The following STK3 variants were observed in gnomAD, a reference collection of about 807,000 sequenced individuals.
STK3 encodes serine/threonine-protein kinase 3.
In STK3, 41 loss-of-function variants were observed where a neutral mutation model predicts 58.0. The ratio of observed to expected loss-of-function variants is 0.71; its 90% CI spans 0.55 to 0.92. The LOEUF is 0.92. Among genes scored for constraint, STK3 ranks in the 40% least tolerant of loss-of-function variants. The probability of loss-of-function intolerance (pLI) is 0.00; values close to 1 mark genes in which losing one functional copy is unlikely to be tolerated. For missense variants in STK3, 479 were observed against 602.7 expected (o/e 0.79, Z 2.15); for synonymous variants, 170 against 191.0 (o/e 0.89, Z 0.91).
intron 1 of STK3, among the ~76,000 whole-genome samples, chr8:98,916,703 A>G (rs1017483379): frequency 1.3e-5 from 2 of 152,220 alleles, no homozygotes; most frequent in Non-Finnish European, 2.9e-5. Flanking sequence ...TACTGAGATC[A>G]CTGTTCTAGG....
chr8:98,784,339 T>A (rs1423853387), intron 1 of STK3, among the ~76,000 whole-genome samples: 1 of 152,216 alleles, frequency 6.6e-6, no homozygotes, highest in Admixed American at 6.5e-5. Context: ...GATTGTGCTC[T>A]CCTCCACTGC....
At chr8:98,368,209 A>G (rs1314143007), downstream of STK3, among the ~76,000 whole-genome samples, 1 of 152,248 alleles carries the variant, frequency 6.6e-6, no homozygotes, top group African/African-American at 2.4e-5. Flanking sequence ...GAAATCTGAA[A>G]GAGCTATAGC....
chr8:98,548,106 C>T lies in STK3; in HGVS notation c.1004G>A (p.Gly335Asp), dbSNP rs762767274. 7 of 1,607,084 alleles carry T rather than the reference C, an allele frequency of 4.4e-6. No individual in the cohort carries two copies. The South Asian group carries it at 5.6e-5, about 13-fold the overall frequency. ...TMVKTSVESV[G>D]TMRATSTMSE... ...CATCGTGCTTGTGGCCCGCATGGTG[C>T]CCACACTCTCCACACTAGTCTTCAC... The change falls in exon 9 of 11, where the codon GGC (glycine) becomes GAC (aspartate). Residue 335 changes from glycine (G) to aspartate (D), a missense_variant. This residue lies in a region of STK3 where 309 missense variants were observed against 355.7 expected (regional missense o/e 0.87). Transcript: ENST00000419617.
intron 1 of STK3, among the ~76,000 whole-genome samples, chr8:98,798,036 G>C (rs1587650346): frequency 6.6e-6 from 1 of 152,300 alleles, no homozygotes; most frequent in Non-Finnish European, 1.5e-5. Context: ...ATTGACAATT[G>C]TGCCTTAGAA....
chr8:98,715,022 C>G lies in STK3; in HGVS notation c.352-7711G>C, dbSNP rs530750838. Among the ~76,000 whole-genome samples, 254 of 152,156 alleles carry G rather than the reference C, an allele frequency of 1.7e-3. 1 individual carries two copies. The highest frequency in any genetic ancestry group is 2.2e-3 in the Non-Finnish European group (148 of 67,980). ...TCTTTGACAAACCTGACAAAAACAA[C>G]AAATGGGGAAAGGATTCCCTATTTA... On this transcript the variant is annotated intron_variant, in intron 4 of 10. Coordinates refer to ENST00000419617, the MANE Select transcript of STK3 (RefSeq NM_006281.4).
intron 1 of STK3, among the ~76,000 whole-genome samples, chr8:98,900,011 A>G (rs891203798): frequency 6.6e-6 from 1 of 152,212 alleles, no homozygotes; most frequent in Non-Finnish European, 1.5e-5. Context: ...AAATGTATAC[A>G]TGAAATACTG....
chr8:98,697,397 T>A (rs2130999325), intron 6 of STK3, among the ~76,000 whole-genome samples: 1 of 152,348 alleles, frequency 6.6e-6, no homozygotes, highest in Non-Finnish European at 1.5e-5. Flanking sequence ...TGCCTTCTGC[T>A]AGCTTTTGAA....
At chr8:98,828,464 A>C (rs1587718708), upstream of STK3, among the ~76,000 whole-genome samples, 4 of 150,686 alleles carry the variant, frequency 2.7e-5, no homozygotes, top group Admixed American at 1.3e-4. Flanking sequence ...AAAAAAAAAA[A>C]ACAAAAGAAA....
At chr8:98,795,227 C>CAAATCAAT (rs900620685) in intron 1 of STK3, among the ~76,000 whole-genome samples, 1 of 145,212 alleles carries the variant, frequency 6.9e-6, no homozygotes, top group African/African-American at 2.6e-5. Flanking sequence ...TCAACATATG[C>CAAATCAAT]AAATCAATAA....
chr8:98,671,821 T>C (rs1198520759), intron 6 of STK3, among the ~76,000 whole-genome samples: 1 of 152,184 alleles, frequency 6.6e-6, no homozygotes, highest in Non-Finnish European at 1.5e-5. Flanking sequence ...TTACCTTGAA[T>C]TGTAATAATC....
At chr8:98,490,375 T>A (rs940979309) in intron 10 of STK3, among the ~76,000 whole-genome samples, 2 of 152,228 alleles carry the variant, frequency 1.3e-5, no homozygotes, top group Non-Finnish European at 2.9e-5. Context: ...ATATTTAAAC[T>A]TCATTTTCTT....
chr8:98,713,302 G>A (rs886553915), intron 4 of STK3, among the ~76,000 whole-genome samples: 20 of 152,132 alleles, frequency 1.3e-4, no homozygotes, highest in Non-Finnish European at 2.6e-4. Flanking sequence ...AACTGAAGGA[G>A]ATAGAGACAC....
At position 98,843,926 on chromosome 8, in the gene STK3, C is replaced by T. The variant is rs906307083; in HGVS notation, c.110+39721G>A. 5.9e-5 allele frequency among the ~76,000 whole-genome samples: 9 copies of T among 152,230 alleles called. No homozygotes were observed. The East Asian group carries it at 9.7e-4, about 16-fold the overall frequency. On this transcript the variant is annotated intron_variant, in intron 3 of 12. Transcript: ENST00000523601. ...CAGCTACTCCAGCGCTTTGGGAGGC[C>T]GAGTGGGAGTATCGCTTGAGCCCAG...
chr8:98,680,535 C>A (rs555334048), intron 6 of STK3, among the ~76,000 whole-genome samples: 19 of 152,318 alleles, frequency 1.2e-4, no homozygotes, highest in African/African-American at 4.3e-4. Flanking sequence ...CTTACTACAG[C>A]TGCCAGGTAA....
At chr8:98,894,094 T>A (rs1421528758) in intron 1 of STK3, among the ~76,000 whole-genome samples, 2 of 152,184 alleles carry the variant, frequency 1.3e-5, no homozygotes, top group Non-Finnish European at 2.9e-5. Context: ...CAAAAATATC[T>A]TCTTCCTTCT....
chr8:98,885,729 C>T (rs1362531885), intron 1 of STK3, among the ~76,000 whole-genome samples: 4 of 152,170 alleles, frequency 2.6e-5, no homozygotes, highest in African/African-American at 7.2e-5. Flanking sequence ...CGTGAGCCAC[C>T]GCAGCAGGCT....
chr8:98,575,531 C>T (rs745745145), intron 8 of STK3, among the ~76,000 whole-genome samples: 5 of 151,638 alleles, frequency 3.3e-5, no homozygotes, highest in Admixed American at 6.6e-5. Flanking sequence ...TCCTTCTTTC[C>T]CACACCCTGC....
At chr8:98,617,563 T>G in intron 6 of STK3, among the ~76,000 whole-genome samples, 1 of 151,420 alleles carries the variant, frequency 6.6e-6, no homozygotes, top group Non-Finnish European at 1.5e-5. Context: ...GATAGACCGC[T>G]AGCAAGACTA....
At chr8:98,592,116 C>T (rs1815366062) in intron 7 of STK3, among the ~76,000 whole-genome samples, 1 of 152,166 alleles carries the variant, frequency 6.6e-6, no homozygotes, top group African/African-American at 2.4e-5. Context: ...TTATCAAAGA[C>T]ATTCTTTTCT....
Sources: allele counts gnomAD v4.1 joint callset (sites outside exome capture counted in the v4.1 genomes callset), GRCh38; gene constraint gnomAD v4.1.1; regional missense constraint gnomAD v4.1.1; transcripts MANE v1.5; gene names NCBI Gene and HGNC (gene_info 2026-07-23, HGNC 2026-07-21).